The following ACTA2 variants were observed in gnomAD, a reference collection of about 807,000 sequenced individuals.
The protein encoded by ACTA2 is actin alpha 2, smooth muscle, also known as actin, aortic smooth muscle.
Under a neutral mutation model 39.5 loss-of-function variants are expected in ACTA2, and 12 were observed. The observed-to-expected ratio is 0.30, with a 90% confidence interval of 0.19 to 0.49. ACTA2 has a LOEUF of 0.49. Ranked by LOEUF, ACTA2 falls within the 20% of genes least tolerant of loss-of-function variation. The pLI is 0.99. For missense variants in ACTA2, 236 were observed against 498.8 expected, an observed-to-expected ratio of 0.47 and a Z score of 5.02; for synonymous variants, 158 against 180.6, an observed-to-expected ratio of 0.88 and a Z score of 1.00.
chr10:88,963,917 TC>T (rs1357268654), intron 1 of ACTA2, among the ~76,000 whole-genome samples: 11 of 152,186 alleles, frequency 7.2e-5, no homozygotes, highest in Non-Finnish European at 1.3e-4. Flanking sequence ...TTTCTAATCC[TC>T]TTTTAGCTAG....
At chr10:88,955,356 C>T (rs988405300), upstream of ACTA2, among the ~76,000 whole-genome samples, 3 of 152,126 alleles carry the variant, frequency 2.0e-5, no homozygotes, top group Non-Finnish European at 2.9e-5. Flanking sequence ...TTTTTCTAGA[C>T]TGATCATATG....
intron 4 of ACTA2, among the ~76,000 whole-genome samples, chr10:88,943,142 C>G (rs959201757): frequency 3.3e-5 from 5 of 152,194 alleles, no homozygotes; most frequent in African/African-American, 1.2e-4. Flanking sequence ...AGAATTGACA[C>G]TAGACGTTGT....
At chr10:88,967,703 G>A (rs1281719574) in intron 1 of ACTA2, among the ~76,000 whole-genome samples, 1 of 152,168 alleles carries the variant, frequency 6.6e-6, no homozygotes, top group Non-Finnish European at 1.5e-5. Context: ...TTTTGTTACT[G>A]TAAGCCATGT....
chr10:88,971,316 C>G (rs1357416873), intron 1 of ACTA2, among the ~76,000 whole-genome samples: 1 of 152,150 alleles, frequency 6.6e-6, no homozygotes, highest in African/African-American at 2.4e-5. Context: ...ATAAGTACAG[C>G]TAAGGACAAA....
chr10:88,938,104 T>A lies in ACTA2; in HGVS notation c.947A>T (p.Gln316Leu), dbSNP rs1845778165. 6.2e-7 allele frequency: 1 copy of A among 1,614,050 alleles called. No individual in the cohort carries two copies. The highest frequency in any genetic ancestry group is 1.1e-5 in the South Asian group (1 of 91,082). ...TMYPGIADRM[Q>L]KEITALAPST... The stretch of plus-strand genomic sequence containing the variant: ...GGGTGCTAGGGCCGTGATCTCCTTC[T>A]GCATTCGGTCGGCAATGCCAGGGTA... The change falls in exon 8 of 9, where the codon CAG becomes CTG. Residue 316 changes from glutamine (Q) to leucine (L), a missense_variant. Coordinates refer to ENST00000224784, the MANE Select transcript of ACTA2 (RefSeq NM_001613.4).
intron 1 of ACTA2, among the ~76,000 whole-genome samples, chr10:88,989,904 A>G (rs1847063577): frequency 6.6e-6 from 1 of 152,258 alleles, no homozygotes; most frequent in Non-Finnish European, 1.5e-5. Flanking sequence ...TACCTTCTGT[A>G]AAATTCATGC....
Position 88,947,250 on chromosome 10 carries a change from T to C in ACTA2, c.258+8A>G, listed in dbSNP as rs1369478273. ...CTGAGGGCCCAAGCTGCAGCAAACCTCCCATACCTTTTCCATGTCGTCCCA... is the reference window on the plus strand; with the variant it reads ...CTGAGGGCCCAAGCTGCAGCAAACCCCCCATACCTTTTCCATGTCGTCCCA... On this transcript the variant is annotated splice_region_variant and intron_variant, in intron 3 of 8. Coordinates refer to ENST00000224784, the MANE Select transcript of ACTA2 (RefSeq NM_001613.4). 1 of 1,613,850 alleles carries C rather than the reference T, an allele frequency of 6.2e-7. No homozygotes were observed.
At chr10:88,938,706 C>T (rs1353928836) in intron 7 of ACTA2, among the ~76,000 whole-genome samples, 1 of 109,820 alleles carries the variant, frequency 9.1e-6, no homozygotes, top group Non-Finnish European at 1.7e-5. Flanking sequence ...TTGGAAAAGG[C>T]TCATTTTTCC....
At chr10:88,949,053 C>G in intron 1 of ACTA2, 100 bp from the exon 2 acceptor site, 1 of 1,147,904 alleles carries the variant, frequency 8.7e-7, no homozygotes, top group Non-Finnish European at 1.3e-6. Flanking sequence ...GGGCCCTCCT[C>G]TGTGTCCTAG....
At chr10:88,976,922 T>G (rs1846577813) in intron 1 of ACTA2, among the ~76,000 whole-genome samples, 1 of 152,206 alleles carries the variant, frequency 6.6e-6, no homozygotes, top group Non-Finnish European at 1.5e-5. Flanking sequence ...GCATTGTGCT[T>G]GAGATCCTTA....
chr10:88,940,989 T>C (rs188338167), intron 6 of ACTA2: 1 of 483,748 alleles, frequency 2.1e-6, no homozygotes, highest in East Asian at 4.1e-5. Context: ...AAAAGATCAA[T>C]TATACAACAC....
intron 7 of ACTA2, among the ~76,000 whole-genome samples, chr10:88,938,967 A>G (rs1845798497): frequency 6.6e-6 from 1 of 152,158 alleles, no homozygotes; most frequent in Admixed American, 6.5e-5. Flanking sequence ...CAGCCATCCT[A>G]GGACATAAGT....
intron 1 of ACTA2, among the ~76,000 whole-genome samples, chr10:88,962,911 CCATATATATATATA>C (rs1846250883): frequency 3.9e-4 from 18 of 46,584 alleles, no homozygotes; most frequent in South Asian, 2.4e-3. Flanking sequence ...GGGGAATGCC[CCATATATATATATA>C]TATATATATA....
At chr10:88,986,680 CAGGAAGGAAGTAGT>C in intron 1 of ACTA2, among the ~76,000 whole-genome samples, 1 of 81,388 alleles carries the variant, frequency 1.2e-5, no homozygotes, top group African/African-American at 6.2e-5. Context: ...GGAAGTAGTG[CAGGAAGGAAGTAGT>C]GCAGGAAGGA....
At chr10:88,963,211 A>C (rs1015781238) in intron 1 of ACTA2, among the ~76,000 whole-genome samples, 5 of 151,504 alleles carry the variant, frequency 3.3e-5, no homozygotes, top group African/African-American at 1.2e-4. Flanking sequence ...GAAAATCAGA[A>C]AATTTCCAGG....
upstream of ACTA2, among the ~76,000 whole-genome samples, chr10:88,954,838 G>A (rs1846107614): frequency 2.6e-5 from 4 of 152,100 alleles, 1 homozygote; most frequent in South Asian, 8.3e-4. Context: ...CTTATTGCCT[G>A]GGTTTGAGAT....
rs1202919638 is a variant in ACTA2 at position 88,990,557 on chromosome 10, G to C, written c.-24+382C>G. 1 of 639,892 alleles carries C rather than the reference G, an allele frequency of 1.6e-6. No homozygotes were observed. Among genetic ancestry groups the C allele is most frequent in the Non-Finnish European group, 2.9e-6 (1 of 345,762 alleles). 39.6% of individuals were successfully genotyped at this position (639,892 alleles called of 1,614,324 possible). A position where few individuals can be genotyped will look rare whatever the true frequency, so the allele number is the denominator to read the frequency against. On this transcript the variant is annotated intron_variant, in intron 1 of 4. Transcript: ENST00000415557. The surrounding 1 kb of genome is among the most constrained non-coding windows in gnomAD (Gnocchi z 4.9). ...CTACCCGCGCGCAGGCCAAGTTGCT[G>C]AATCAATGGAGCCCTCCCCAACCCG... is the stretch of plus-strand genomic sequence containing the variant.
At chr10:88,946,190 C>T (rs1241853285) in intron 3 of ACTA2, among the ~76,000 whole-genome samples, 2 of 151,680 alleles carry the variant, frequency 1.3e-5, no homozygotes, top group Non-Finnish European at 2.9e-5. Context: ...CAGCTTCGAA[C>T]TCCTGGGCTC....
At chr10:88,979,863 T>C in intron 1 of ACTA2, among the ~76,000 whole-genome samples, 1 of 152,156 alleles carries the variant, frequency 6.6e-6, no homozygotes, top group South Asian at 2.1e-4. Context: ...ACACACCTCC[T>C]CACACATGTG....
Sources: allele counts gnomAD v4.1 joint callset (sites outside exome capture counted in the v4.1 genomes callset), GRCh38; gene constraint gnomAD v4.1.1; non-coding constraint Gnocchi (gnomAD v3.1); transcripts MANE v1.5; gene names NCBI Gene and HGNC (gene_info 2026-07-23, HGNC 2026-07-21).